Variants in ABCA1 observed in about 807,000 individuals in gnomAD.
ABCA1 encodes ATP binding cassette subfamily A member 1.
A neutral mutation model predicts 262.5 loss-of-function variants in ABCA1; 133 were observed. The observed-to-expected ratio is 0.51, with a 90% CI of 0.44 to 0.59. The LOEUF is 0.59. Among genes scored for constraint, ABCA1 ranks in the 20% least tolerant of loss-of-function variants. ABCA1 has a pLI of 0.00. For synonymous variants in ABCA1, 1,022 were observed against 1,043.5 expected (o/e 0.98, Z 0.40); for missense variants, 2,452 against 2,777.5 (o/e 0.88, Z 2.63).
intron 34 of ABCA1, among the ~76,000 whole-genome samples, chr9:104,801,509 C>T (rs189106544): frequency 2.0e-4 from 30 of 151,094 alleles, no homozygotes; most frequent in African/African-American, 2.9e-4. Flanking sequence ...TGTAAGCCAC[C>T]GCGCCCAGCC....
chr9:104,849,624 G>A (rs1835202411), intron 7 of ABCA1, among the ~76,000 whole-genome samples: 1 of 152,078 alleles, frequency 6.6e-6, no homozygotes, highest in Non-Finnish European at 1.5e-5. Flanking sequence ...GACATCACAG[G>A]GTTAACAAAA....
chr9:104,849,918 C>T (rs1430056191), intron 7 of ABCA1, among the ~76,000 whole-genome samples: 3 of 152,102 alleles, frequency 2.0e-5, no homozygotes, highest in Non-Finnish European at 4.4e-5. Context: ...ACATTTAGGC[C>T]AGTACCAAAT....
At chr9:104,806,502 G>T in intron 30 of ABCA1, 72 bp from the exon 31 acceptor site, 1 of 1,471,550 alleles carries the variant, frequency 6.8e-7, no homozygotes, top group Non-Finnish European at 9.5e-7. Context: ...AGGAGCACAG[G>T]ATCATTCCGT....
rs375938870 is a variant in ABCA1, at chr9:104,829,039, C to T, written c.1992G>A (p.Glu664=). The part of the protein sequence containing the change: ...VIIKGIVYEK[E]ARLKETMRIM... Reference sequence around the variant, plus strand: ...TCCGCATGGTCTCTTTCAGCCGTGCCTCCTTCTCATACACGATGCCCTTGA... The same window carrying T: ...TCCGCATGGTCTCTTTCAGCCGTGCTTCCTTCTCATACACGATGCCCTTGA... The change falls in exon 15 of 50, where the codon GAG becomes GAA. Residue 664 remains glutamate (E), a synonymous_variant. Transcript: ENST00000374736. 164 of 1,614,112 alleles carry T rather than the reference C, an allele frequency of 1.0e-4. No individual in the cohort carries two copies. Among genetic ancestry groups the T allele is most frequent in the Admixed American group, 1.8e-4 (11 of 60,002 alleles).
chr9:104,913,151 C>T (rs1439210168), intron 1 of ABCA1, among the ~76,000 whole-genome samples: 1 of 152,216 alleles, frequency 6.6e-6, no homozygotes, highest in East Asian at 1.9e-4. Flanking sequence ...GTGCTCAAAG[C>T]ATTTGGTGGG....
At chr9:104,804,226 T>TC (rs1830576998) in intron 32 of ABCA1, among the ~76,000 whole-genome samples, 1 of 150,680 alleles carries the variant, frequency 6.6e-6, no homozygotes, top group Non-Finnish European at 1.5e-5. Flanking sequence ...TATCATGGAG[T>TC]CCCCCATCAG....
chr9:104,916,588 A>G (rs1437444573), intron 1 of ABCA1, among the ~76,000 whole-genome samples: 3 of 152,250 alleles, frequency 2.0e-5, no homozygotes, highest in Admixed American at 6.5e-5. Flanking sequence ...TAAAGAGGCA[A>G]GAGACTAAGA....
intron 7 of ABCA1, among the ~76,000 whole-genome samples, chr9:104,857,516 G>A (rs1445092328): frequency 6.6e-6 from 1 of 152,118 alleles, no homozygotes; most frequent in Non-Finnish European, 1.5e-5. Flanking sequence ...ACAGGCGTGA[G>A]CCACCACACC....
At chr9:104,902,633 T>C (rs530890487) in intron 2 of ABCA1, among the ~76,000 whole-genome samples, 335 of 152,328 alleles carry the variant, frequency 2.2e-3, no homozygotes, top group African/African-American at 7.6e-3. Context: ...TACTTCCTAA[T>C]ATTTAAGTAA....
chr9:104,908,016 C>T (rs1841275905), intron 1 of ABCA1, among the ~76,000 whole-genome samples: 1 of 152,198 alleles, frequency 6.6e-6, no homozygotes, highest in Non-Finnish European at 1.5e-5. Context: ...TTATTAATAT[C>T]TACAGAATAC....
Position 104,845,717 on chromosome 9 carries a change from T to C in ABCA1, c.721-148A>G, listed in dbSNP as rs1397976973. On this transcript the variant is annotated intron_variant, in intron 7 of 49. Transcript: ENST00000374736. ...TAACCAAAACTAAAGACACTACAATTATTTCTAACTGTAAGTTTGCATTTT... is the reference window on the plus strand; with the variant it reads ...TAACCAAAACTAAAGACACTACAATCATTTCTAACTGTAAGTTTGCATTTT... 1.2e-5 allele frequency: 8 copies of C among 640,276 alleles called. No individual in the cohort carries two copies. In the African/African-American group the frequency reaches 1.3e-4, roughly 10 times the overall value. The allele number at this position is 640,276 out of a possible 1,614,324, so 39.7% of individuals were successfully genotyped here.
chr9:104,849,067 A>C (rs375365551), intron 7 of ABCA1, among the ~76,000 whole-genome samples: 1 of 152,222 alleles, frequency 6.6e-6, no homozygotes, highest in Non-Finnish European at 1.5e-5. Flanking sequence ...GTCTTCTCCA[A>C]CTTAATGAAT....
At position 104,837,451 on chromosome 9, in the gene ABCA1, C is replaced by A. The variant is rs146146654; in HGVS notation, c.1171G>T (p.Ala391Ser). 1.2e-5 allele frequency: 20 copies of A among 1,613,916 alleles called. No homozygotes were observed. In the African/African-American group the frequency reaches 2.5e-4, roughly 20 times the overall value. Residue 391 changes from alanine (A) to serine (S), a missense_variant, in exon 10 of 50, where the codon GCC becomes TCC. Around this residue, in one of 4 missense-constraint regions of ABCA1, gnomAD observed 1,032 missense variants for 1,089.7 expected, o/e 0.95. Transcript: ENST00000374736. ...GKILYTPDTP[A>S]TRQVMAEVNK... is the part of the protein sequence containing the mutation. ...ACCTCAGCCATGACCTGCCTTGTGG[C>A]TGGAGTGTCAGGTGTATACAGGATC...
At chr9:104,856,103 G>C in intron 7 of ABCA1, 1 of 1,576,720 alleles carries the variant, frequency 6.3e-7, no homozygotes, top group Non-Finnish European at 8.6e-7. Context: ...CATCACAAAT[G>C]TTGAAATTTC....
chr9:104,920,236 T>C (rs2791952), intron 1 of ABCA1, among the ~76,000 whole-genome samples: 136,653 of 152,302 alleles, frequency 0.9, 61,529 homozygotes, highest in African/African-American at 0.92. Context: ...ATGTGTATTT[T>C]TTCTGAAGAG....
intron 1 of ABCA1, among the ~76,000 whole-genome samples, chr9:104,916,743 G>A (rs1008935926): frequency 2.0e-5 from 3 of 152,124 alleles, no homozygotes; most frequent in Non-Finnish European, 4.4e-5. Flanking sequence ...GCAGTGGCAC[G>A]ATCTGGGCTC....
intron 8 of ABCA1, among the ~76,000 whole-genome samples, chr9:104,841,472 T>C (rs1215344018): frequency 6.6e-6 from 1 of 151,452 alleles, no homozygotes; most frequent in Non-Finnish European, 1.5e-5. Context: ...AAAGAAAAAC[T>C]CAAGTCTGAA....
intron 2 of ABCA1, chr9:104,889,466 T>C (rs1839517508): frequency 1.3e-6 from 1 of 795,704 alleles, no homozygotes; most frequent in South Asian, 5.7e-5. Context: ...TCAGGATTCA[T>C]CGTGGCATAA....
chr9:104,926,543 C>T (rs1334167978), intron 1 of ABCA1, among the ~76,000 whole-genome samples: 1 of 152,132 alleles, frequency 6.6e-6, no homozygotes, highest in Non-Finnish European at 1.5e-5. Flanking sequence ...CCGGTCTTCA[C>T]CGGATTCACA....
Sources: gnomAD v4.1 joint callset for allele counts (sites outside exome capture counted in the v4.1 genomes callset) on GRCh38, gnomAD v4.1.1 for gene constraint, gnomAD v4.1.1 regional missense constraint, MANE v1.5 for transcripts, NCBI Gene and HGNC (gene_info 2026-07-23, HGNC 2026-07-21) for gene names.